TRPM4: variants seen among roughly 807,000 people sequenced by gnomAD.
TRPM4 encodes the protein transient receptor potential cation channel subfamily M member 4.
In TRPM4, 124 loss-of-function variants were observed where a neutral mutation model predicts 135.6. The ratio of observed to expected loss-of-function variants is 0.91; its 90% CI spans 0.79 to 1.06. The LOEUF is 1.06. TRPM4 is among the 50% of genes least tolerant of loss of function. The pLI is 0.00. For missense variants in TRPM4, 1,658 were observed against 1,671.4 expected (o/e 0.99, Z 0.14); for synonymous variants, 745 against 705.6 (o/e 1.06, Z -0.88).
At chr19:49,194,135 T>C (rs1309226439) in intron 16 of TRPM4, among the ~76,000 whole-genome samples, 17 of 87,016 alleles carry the variant, frequency 2.0e-4, no homozygotes, top group Non-Finnish European at 2.8e-4. Flanking sequence ...TCATCCTCCT[T>C]CTCCTCTTCC....
In TRPM4 at chr19:49,210,413, C is replaced by T. The variant is rs1969308456; in HGVS notation, c.3328+8C>T. Reference sequence around the variant, plus strand: ...CGGCCCTCGAGCATTTCCGTAAGAACAGAGCTTGGCTTAAAAAGGAGAAAT... The same window carrying T: ...CGGCCCTCGAGCATTTCCGTAAGAATAGAGCTTGGCTTAAAAAGGAGAAAT... On this transcript the variant is annotated splice_region_variant and intron_variant, in intron 21 of 24. Coordinates refer to ENST00000252826, the MANE Select transcript of TRPM4 (RefSeq NM_017636.4). This position sits in a 1 kb window ranked among gnomAD's most constrained non-coding sequence, Gnocchi z 4.1. The T allele has an allele frequency of 1.2e-6, 2 of 1,612,630 alleles. No homozygotes were observed. The highest frequency in any genetic ancestry group is 1.7e-6 in the Non-Finnish European group (2 of 1,179,896).
chr19:49,201,696 G>A (rs1454483370), intron 19 of TRPM4, among the ~76,000 whole-genome samples: 2 of 152,100 alleles, frequency 1.3e-5, no homozygotes, highest in Non-Finnish European at 2.9e-5. Context: ...CTCCCAGATC[G>A]AAGCGATTCT....
At position 49,172,028 on chromosome 19, in the gene TRPM4, G is replaced by T; in HGVS notation, c.1070G>T (p.Arg357Leu). 1 of 1,613,956 alleles carries T rather than the reference G, an allele frequency of 6.2e-7. No individual in the cohort carries two copies. The highest frequency in any genetic ancestry group is 8.5e-7 in the Non-Finnish European group (1 of 1,179,890). ...CCACAGGTGGAGAGGATTATGACCC[G>T]GAAGGAGCTCCTGACAGTCTATTCT... The part of the protein sequence containing the change: ...LQAQVERIMT[R>L]KELLTVYSSE... The change falls in exon 9 of 25, where the codon CGG becomes CTG. Residue 357 changes from arginine to leucine, a missense_variant. Arg to Leu is a moderately radical substitution (Grantham distance 102). Transcript: ENST00000252826.
At chr19:49,166,478 C>CTG in intron 3 of TRPM4, among the ~76,000 whole-genome samples, 1 of 124,580 alleles carries the variant, frequency 8.0e-6, no homozygotes, top group Admixed American at 7.8e-5. Context: ...CTGTCCCCCT[C>CTG]TCTCTCTGGG....
intron 14 of TRPM4, 112 bp from the exon 15 acceptor site, chr19:49,190,096 T>G (rs1600481130): frequency 1.7e-4 from 146 of 882,282 alleles, no homozygotes; most frequent in African/African-American, 3.3e-5. Flanking sequence ...GTTGTGGCTG[T>G]GACATTGGGC....
chr19:49,198,934 T>G (rs1345176765), intron 17 of TRPM4, among the ~76,000 whole-genome samples: 1 of 152,064 alleles, frequency 6.6e-6, no homozygotes, highest in African/African-American at 2.4e-5. Flanking sequence ...AATAAAAGTT[T>G]ACATCCCAGA....
In TRPM4 at chr19:49,171,493, G is replaced by C; in HGVS notation, c.858+75G>C. The C allele has an allele frequency of 1.2e-6, 2 of 1,611,848 alleles. No individual in the cohort carries two copies. The highest frequency in any genetic ancestry group is 1.7e-6 in the Non-Finnish European group (2 of 1,178,122). On this transcript the variant is annotated intron_variant, in intron 7 of 24. Transcript: ENST00000252826. The surrounding 1 kb of genome is among the most constrained non-coding windows in gnomAD (Gnocchi z 4.7). ...CAGGACTCCTGGGTCCTGAGTCTTA[G>C]GGAGGGTCTGGGGGTCTGACTCCGG... is the stretch of plus-strand genomic sequence containing the variant.
At chr19:49,181,920 GC>G (rs1266296484) in intron 10 of TRPM4, among the ~76,000 whole-genome samples, 1 of 151,404 alleles carries the variant, frequency 6.6e-6, no homozygotes, top group African/African-American at 2.4e-5. Context: ...CTGTCCATCT[GC>G]CCCATCTTGT....
chr19:49,198,437 A>G (rs1361309990), intron 17 of TRPM4, among the ~76,000 whole-genome samples: 1 of 151,988 alleles, frequency 6.6e-6, no homozygotes, highest in Non-Finnish European at 1.5e-5. Context: ...ACCTGAGATC[A>G]GGAGTTTGAG....
chr19:49,211,562 T>C lies in TRPM4; in HGVS notation c.*64T>C. 1 of 1,608,900 alleles carries C rather than the reference T, an allele frequency of 6.2e-7. No individual in the cohort carries two copies. Among genetic ancestry groups the C allele is most frequent in the Non-Finnish European group, 8.5e-7 (1 of 1,176,092 alleles). On this transcript the variant is annotated 3_prime_UTR_variant, in exon 25 of 25. Coordinates refer to ENST00000252826, the MANE Select transcript of TRPM4 (RefSeq NM_017636.4). This position sits in a 1 kb window ranked among gnomAD's most constrained non-coding sequence, Gnocchi z 4.8. ...GATTTTGCTCCTAGAGTAAGGCTCATCTGGGCCTCGGCCCCCGCACCTGGT... is the reference window on the plus strand; with the variant it reads ...GATTTTGCTCCTAGAGTAAGGCTCACCTGGGCCTCGGCCCCCGCACCTGGT...
At position 49,196,778 on chromosome 19, in the gene TRPM4, C is replaced by G. The variant is rs1276962288; in HGVS notation, c.2549C>G (p.Ala850Gly). 6.4e-7 allele frequency: 1 copy of G among 1,569,118 alleles called. No homozygotes were observed. The highest frequency in any genetic ancestry group is 8.6e-7 in the Non-Finnish European group (1 of 1,165,252). ...LASGGPGPGH[A>G]SLSQRLRLYL... ...AGCGGGGGCCCCGGGCCTGGCCATG[C>G]CTCACTGAGCCAGCGCCTGCGCCTC... is the stretch of plus-strand genomic sequence containing the variant. Residue 850 changes from alanine to glycine, a missense_variant, in exon 17 of 25, where the codon GCC (alanine) becomes GGC (glycine). Ala to Gly is a moderately conservative substitution (Grantham distance 60). This residue lies in a region of TRPM4 where 1,412 missense variants were observed against 1,408.7 expected (regional missense o/e 1.00). Coordinates refer to ENST00000252826, the MANE Select transcript of TRPM4 (RefSeq NM_017636.4).
intron 2 of TRPM4, among the ~76,000 whole-genome samples, chr19:49,160,588 T>C (rs1042790374): frequency 6.6e-6 from 1 of 151,950 alleles, no homozygotes; most frequent in Non-Finnish European, 1.5e-5. Context: ...TGAATCAAAG[T>C]TCAGGGTGCA....
chr19:49,188,504 C>G (rs1968279556), intron 12 of TRPM4, 137 bp from the exon 13 acceptor site: 3 of 1,283,446 alleles, frequency 2.3e-6, no homozygotes, highest in Non-Finnish European at 3.4e-6. Flanking sequence ...GATCCATCTC[C>G]AAACATTACT....
intron 20 of TRPM4, among the ~76,000 whole-genome samples, chr19:49,208,331 CGGGGAAA>C (rs1568495937): frequency 1.3e-5 from 2 of 151,900 alleles, no homozygotes; most frequent in African/African-American, 4.8e-5. Flanking sequence ...TAAACTCCCC[CGGGGAAA>C]GGGAGACTCC....
intron 9 of TRPM4, among the ~76,000 whole-genome samples, chr19:49,173,653 T>C (rs1013171761): frequency 6.6e-6 from 1 of 150,412 alleles, no homozygotes; most frequent in South Asian, 2.1e-4. Flanking sequence ...CTGGGGAGGG[T>C]CTTATTTATT....
At chr19:49,174,802 A>G (rs1967613223) in intron 9 of TRPM4, among the ~76,000 whole-genome samples, 1 of 151,494 alleles carries the variant, frequency 6.6e-6, no homozygotes, top group Admixed American at 6.6e-5. Context: ...TTGATAAGTC[A>G]GTAGAATTTG....
In TRPM4 at chr19:49,187,208, T is replaced by A. The variant is rs547647325; in HGVS notation, c.1744-1433T>A. Among the ~76,000 whole-genome samples, 15 of 151,902 alleles carry A rather than the reference T, an allele frequency of 9.9e-5. No individual in the cohort carries two copies. In the South Asian group the frequency reaches 2.3e-3, roughly 23 times the overall value. ...AAGCATTTTCTTGTTTTTTTTTTTTTATAAGTTTTCGATTAGATTCCAGAA... is the reference window on the plus strand; with the variant it reads ...AAGCATTTTCTTGTTTTTTTTTTTTAATAAGTTTTCGATTAGATTCCAGAA... On this transcript the variant is annotated intron_variant, in intron 12 of 24. Transcript: ENST00000252826.
chr19:49,189,701 A>T (rs139933183), intron 14 of TRPM4, among the ~76,000 whole-genome samples: 106 of 152,274 alleles, frequency 7.0e-4, no homozygotes, highest in African/African-American at 2.4e-3. Context: ...TTTAAATCTG[A>T]CAGGGGCTCA....
chr19:49,210,932 G>A lies in TRPM4; in HGVS notation c.3462-83G>A. The stretch of plus-strand genomic sequence containing the variant: ...GGCAGGGTCCTGGGAGGGAGGGAGA[G>A]AGGGAGGAGGCCCGGGAAGCAGGCA... On this transcript the variant is annotated intron_variant, in intron 22 of 24. Transcript: ENST00000252826. This position sits in a 1 kb window ranked among gnomAD's most constrained non-coding sequence, Gnocchi z 4.1. 3 of 1,589,902 alleles carry A rather than the reference G, an allele frequency of 1.9e-6. No individual in the cohort carries two copies. The highest frequency in any genetic ancestry group is 2.6e-6 in the Non-Finnish European group (3 of 1,168,484).
Sources: allele counts gnomAD v4.1 joint callset (sites outside exome capture counted in the v4.1 genomes callset), GRCh38; gene constraint gnomAD v4.1.1; regional missense constraint gnomAD v4.1.1; non-coding constraint Gnocchi (gnomAD v3.1); transcripts MANE v1.5; gene names NCBI Gene and HGNC (gene_info 2026-07-23, HGNC 2026-07-21).